The following GPD2 variants were observed in gnomAD, a reference collection of about 807,000 sequenced individuals.
GPD2 encodes glycerol-3-phosphate dehydrogenase 2.
A neutral mutation model predicts 82.4 loss-of-function variants in GPD2; 54 were observed. The ratio of observed to expected loss-of-function variants is 0.66; its 90% CI spans 0.53 to 0.82. GPD2 has a LOEUF of 0.82. Ranked by LOEUF, GPD2 falls within the 40% of genes least tolerant of loss-of-function variation. The probability of loss-of-function intolerance (pLI) is 0.00; values close to 1 mark genes in which losing one functional copy is unlikely to be tolerated. For synonymous variants in GPD2, 288 were observed against 306.1 expected (o/e 0.94, Z 0.62); for missense variants, 748 against 896.2 (o/e 0.83, Z 2.11).
At chr2:156,435,671 G>C (rs914719574), upstream of GPD2, 1 of 152,248 alleles carries the variant, frequency 6.6e-6, no homozygotes, top group Admixed American at 6.5e-5. Flanking sequence ...CCGGGCGAGG[G>C]TTCTGGGCTC....
intron 3 of GPD2, among the ~76,000 whole-genome samples, chr2:156,505,268 G>T (rs1222445891): frequency 6.6e-6 from 1 of 151,932 alleles, no homozygotes; most frequent in African/African-American, 2.4e-5. Flanking sequence ...TAACAGATGA[G>T]ATGATAAATG....
Position 156,550,705 on chromosome 2 carries a change from G to C in GPD2, c.930G>C (p.Gln310His), listed in dbSNP as rs781579120. 6.2e-6 allele frequency: 10 copies of C among 1,613,878 alleles called. No individual in the cohort carries two copies. The highest frequency in any genetic ancestry group is 6.8e-6 in the Non-Finnish European group (8 of 1,179,794). The change falls in exon 8 of 17, where the codon CAG becomes CAC. Residue 310 changes from glutamine to histidine, a missense_variant. Around this residue, in one of 3 missense-constraint regions of GPD2, gnomAD observed 692 missense variants for 809.7 expected, o/e 0.85. Coordinates refer to ENST00000438166, the MANE Select transcript of GPD2 (RefSeq NM_000408.5). ...ATAAAGACGCAGCAGCTATCTGCCA[G>C]CCAAGTGCTGGTGTCCATATTGTGA... ...MDDKDAAAICQPSAGVHIVMP... is the reference protein window; with the variant it reads ...MDDKDAAAICHPSAGVHIVMP...
chr2:156,526,663 C>T (rs1484451436), intron 6 of GPD2, among the ~76,000 whole-genome samples: 2 of 152,086 alleles, frequency 1.3e-5, no homozygotes, highest in Non-Finnish European at 2.9e-5. Context: ...TCGGAGAACA[C>T]ATGCCCAAGA....
Position 156,578,962 on chromosome 2 carries a change from A to T in GPD2, c.1841A>T (p.Asp614Val). The change falls in exon 14 of 17, where the codon GAT becomes GTT. Residue 614 changes from aspartate to valine, a missense_variant. Around this residue, in one of 3 missense-constraint regions of GPD2, gnomAD observed 692 missense variants for 809.7 expected, o/e 0.85. Transcript: ENST00000438166. ...GYKSRSEQLT[D>V]RSEISLLPSD... Reference sequence around the variant, plus strand: ...AAATCTCGATCAGAACAGTTAACAGATCGCTCTGAAATTAGCCTACTGCCT... The same window carrying T: ...AAATCTCGATCAGAACAGTTAACAGTTCGCTCTGAAATTAGCCTACTGCCT... 6.2e-7 allele frequency: 1 copy of T among 1,610,912 alleles called. No homozygotes were observed.
At chr2:156,529,426 G>A (rs1201086346) in intron 6 of GPD2, among the ~76,000 whole-genome samples, 1 of 137,986 alleles carries the variant, frequency 7.2e-6, no homozygotes, top group Admixed American at 7.4e-5. Flanking sequence ...TTGCTGTGCA[G>A]AAGCTCTTTA....
intron 1 of GPD2, 68 bp from the exon 2 acceptor site, chr2:156,476,030 T>C: frequency 2.4e-6 from 2 of 819,988 alleles, no homozygotes; most frequent in Non-Finnish European, 4.4e-6. Context: ...CACAGTGTCT[T>C]ATTATTGGGA....
chr2:156,489,119 G>A (rs915960411), intron 2 of GPD2, among the ~76,000 whole-genome samples: 13 of 152,286 alleles, frequency 8.5e-5, no homozygotes, highest in African/African-American at 1.7e-4. Context: ...GAACTCATGT[G>A]TCTACAGGGG....
At chr2:156,473,296 T>C (rs1683395076) in intron 1 of GPD2, among the ~76,000 whole-genome samples, 1 of 152,184 alleles carries the variant, frequency 6.6e-6, no homozygotes, top group Non-Finnish European at 1.5e-5. Context: ...TAGTGGCTCA[T>C]TGGGAAAATG....
intron 2 of GPD2, among the ~76,000 whole-genome samples, chr2:156,491,322 T>A (rs1345719753): frequency 6.6e-6 from 1 of 152,246 alleles, no homozygotes; most frequent in Non-Finnish European, 1.5e-5. Flanking sequence ...CTGATGCAAC[T>A]ATTCAGCTCT....
chr2:156,494,410 G>A (rs556041594), intron 2 of GPD2, among the ~76,000 whole-genome samples: 1 of 152,146 alleles, frequency 6.6e-6, no homozygotes, highest in Non-Finnish European at 1.5e-5. Context: ...GAGATAATGA[G>A]TCAACAGTTA....
At chr2:156,471,678 G>C (rs1360201208) in intron 1 of GPD2, among the ~76,000 whole-genome samples, 1 of 152,064 alleles carries the variant, frequency 6.6e-6, no homozygotes, top group African/African-American at 2.4e-5. Context: ...CTTCACTGAA[G>C]CCTTCTTTAA....
chr2:156,497,596 T>C (rs528201672), intron 3 of GPD2, among the ~76,000 whole-genome samples: 3 of 152,170 alleles, frequency 2.0e-5, no homozygotes, highest in African/African-American at 7.2e-5. Flanking sequence ...AGTTACTTTA[T>C]GTACCTGGCA....
intron 3 of GPD2, among the ~76,000 whole-genome samples, chr2:156,504,563 T>C (rs2105258483): frequency 6.6e-6 from 1 of 152,190 alleles, no homozygotes; most frequent in South Asian, 2.1e-4. Context: ...TTTAGAAATA[T>C]CTTAATAGTG....
chr2:156,452,436 C>G (rs904905531), intron 1 of GPD2, among the ~76,000 whole-genome samples: 1 of 152,246 alleles, frequency 6.6e-6, no homozygotes, highest in Non-Finnish European at 1.5e-5. Context: ...CACCTGCAAT[C>G]GCAGGCTGAG....
At chr2:156,455,511 A>T (rs572460427) in intron 1 of GPD2, among the ~76,000 whole-genome samples, 1 of 152,242 alleles carries the variant, frequency 6.6e-6, no homozygotes, top group South Asian at 2.1e-4. Flanking sequence ...ATTGAGTTTC[A>T]TTGCCTCCTT....
chr2:156,525,013 T>G (rs1427471865), intron 6 of GPD2, among the ~76,000 whole-genome samples: 1 of 152,234 alleles, frequency 6.6e-6, no homozygotes, highest in African/African-American at 2.4e-5. Flanking sequence ...TTACTTATAA[T>G]TTCCCTGTAT....
At chr2:156,451,446 G>A (rs1343897822) in intron 1 of GPD2, among the ~76,000 whole-genome samples, 17 of 109,834 alleles carry the variant, frequency 1.5e-4, no homozygotes, top group Middle Eastern at 5.7e-3. Flanking sequence ...CCTCCCGGAC[G>A]GGGCGGCTGG....
chr2:156,533,069 G>A (rs1048583220), intron 6 of GPD2, among the ~76,000 whole-genome samples: 2 of 152,108 alleles, frequency 1.3e-5, no homozygotes, highest in Non-Finnish European at 2.9e-5. Context: ...TTCACAAGAC[G>A]GGAAGTTTCC....
At position 156,578,882 on chromosome 2, in the gene GPD2, G is replaced by C; in HGVS notation, c.1768-7G>C. ...GTCTTTGAACTTTGTGTGTATCTCT[G>C]TTTTAGGAACAACTTGAAACAGCCA... On this transcript the variant is annotated splice_region_variant and splice_polypyrimidine_tract_variant and intron_variant, in intron 13 of 16. Transcript: ENST00000438166. 1 of 1,511,390 alleles carries C rather than the reference G, an allele frequency of 6.6e-7. No homozygotes were observed. The highest frequency in any genetic ancestry group is 9.2e-7 in the Non-Finnish European group (1 of 1,087,644). The allele number at this position is 1,511,390 out of a possible 1,614,324, so 93.6% of individuals were successfully genotyped here. A position where few individuals can be genotyped will look rare whatever the true frequency, so the allele number is the denominator to read the frequency against.
Sources: gnomAD v4.1 joint callset for allele counts (sites outside exome capture counted in the v4.1 genomes callset) on GRCh38, gnomAD v4.1.1 for gene constraint, gnomAD v4.1.1 regional missense constraint, MANE v1.5 for transcripts, NCBI Gene and HGNC (gene_info 2026-07-23, HGNC 2026-07-21) for gene names.